The following FBXO43 variants were observed in gnomAD, a reference collection of about 807,000 sequenced individuals.
FBXO43 encodes the protein F-box protein 43.
In FBXO43, 22 loss-of-function variants were observed where a neutral mutation model predicts 56.7. That is an observed-to-expected ratio of 0.39 (90% CI 0.28 to 0.55). The LOEUF is 0.55. Among genes scored for constraint, FBXO43 ranks in the 20% least tolerant of loss-of-function variants. The probability of loss-of-function intolerance (pLI) is 0.66; values close to 1 mark genes in which losing one functional copy is unlikely to be tolerated. For missense variants in FBXO43, 733 were observed against 814.9 expected (o/e 0.90, Z 1.22); for synonymous variants, 306 against 294.5 (o/e 1.04, Z -0.40).
chr8:100,142,900 T>C (rs1814702476), intron 1 of FBXO43, among the ~76,000 whole-genome samples: 1 of 152,268 alleles, frequency 6.6e-6, no homozygotes, highest in African/African-American at 2.4e-5. Flanking sequence ...TATTTTGTGA[T>C]GCAAGGTCCA....
upstream of FBXO43, among the ~76,000 whole-genome samples, chr8:100,149,755 G>A (rs1231797632): frequency 1.3e-5 from 2 of 152,144 alleles, no homozygotes; most frequent in Non-Finnish European, 2.9e-5. Context: ...ATCAGACATA[G>A]TGCGTGTTGG....
intron 3 of FBXO43, among the ~76,000 whole-genome samples, chr8:100,135,565 G>A (rs1814444466): frequency 6.6e-6 from 1 of 151,874 alleles, no homozygotes; most frequent in Admixed American, 6.6e-5. Context: ...AGTTCTTTAA[G>A]AAACTGAGTT....
chr8:100,135,805 C>G (rs1814451687), intron 3 of FBXO43, among the ~76,000 whole-genome samples: 1 of 152,054 alleles, frequency 6.6e-6, no homozygotes, highest in African/African-American at 2.4e-5. Flanking sequence ...GGGGTTCCAC[C>G]ATGTTGGTCA....
At chr8:100,135,411 T>G (rs2446918) in intron 3 of FBXO43, among the ~76,000 whole-genome samples, 2 of 151,888 alleles carry the variant, frequency 1.3e-5, no homozygotes, top group Non-Finnish European at 2.9e-5. Context: ...TCTTGATGGA[T>G]CAAGAATCAA....
In FBXO43 at chr8:100,133,974, T is replaced by C; in HGVS notation, c.1955A>G (p.Tyr652Cys). The stretch of plus-strand genomic sequence containing the variant: ...TCGGCTACACAGTCCCCTTTTCTTA[T>C]ATGGCTGGTACTTAGCAGGGGACTG... ...RCQSPAKYQP[Y>C]KKRGLCSRTA... is the part of the protein sequence containing the mutation. The change falls in exon 5 of 5, where the codon TAT (tyrosine) becomes TGT (cysteine). Residue 652 changes from tyrosine to cysteine, a missense_variant. By Grantham distance (194) the Tyr-to-Cys change is radical (BLOSUM62 -2). Transcript: ENST00000428847. 2.5e-6 allele frequency: 4 copies of C among 1,614,174 alleles called. No homozygotes were observed. The highest frequency in any genetic ancestry group is 3.4e-6 in the Non-Finnish European group (4 of 1,180,032).
chr8:100,145,803 T>C lies in FBXO43; in HGVS notation c.-668A>G, dbSNP rs1814816735. On this transcript the variant is annotated 5_prime_UTR_variant, in exon 1 of 5. Coordinates refer to ENST00000428847, the MANE Select transcript of FBXO43 (RefSeq NM_001029860.4). ...CAGCTTCGCGTGGGGCCGCTGCCTTTACCTCCTTAGGTTTGAACGGCCCGC... is the reference window on the plus strand; with the variant it reads ...CAGCTTCGCGTGGGGCCGCTGCCTTCACCTCCTTAGGTTTGAACGGCCCGC... 6.6e-6 allele frequency: 1 copy of C among 152,382 alleles called. No homozygotes were observed. Among genetic ancestry groups the C allele is most frequent in the African/African-American group, 2.4e-5 (1 of 41,454 alleles). The allele number at this position is 152,382 out of a possible 1,614,324, so 9.4% of individuals were successfully genotyped here.
Position 100,140,744 on chromosome 8 carries a change from T to C in FBXO43, c.1510A>G (p.Arg504Gly). Residue 504 changes from arginine to glycine, a missense_variant, in exon 2 of 5, where the codon AGA becomes GGA. Physicochemically the swap from Arg to Gly is moderately radical, Grantham distance 125 (BLOSUM62 -2). Transcript: ENST00000428847. ...KLDILTELKYRNLKHILAMVL... is the reference protein window; with the variant it reads ...KLDILTELKYGNLKHILAMVL... ...ATAGCAAGAATATGCTTTAAATTTC[T>C]ATATTTTAATTCTGTTAAGATGTCC... The C allele has an allele frequency of 6.2e-7, 1 of 1,613,406 alleles. No individual in the cohort carries two copies. Among genetic ancestry groups the C allele is most frequent in the Non-Finnish European group, 8.5e-7 (1 of 1,179,662 alleles).
At position 100,134,198 on chromosome 8, in the gene FBXO43, A is replaced by G. The variant is rs1814396240; in HGVS notation, c.1841T>C (p.Val614Ala). Residue 614 changes from valine (V) to alanine (A), a missense_variant, in exon 4 of 5, where the codon GTT becomes GCT. Physicochemically the swap from Val to Ala is moderately conservative, Grantham distance 64. Transcript: ENST00000428847. ...TTCCTGTTTACTACTTAAGTGAGTAACAGAAGAGCTTGCTAGAGGTGTCAA... is the reference window on the plus strand; with the variant it reads ...TTCCTGTTTACTACTTAAGTGAGTAGCAGAAGAGCTTGCTAGAGGTGTCAA... Reference protein sequence around the residue: ...EVLTPLASSSVTHLSSKQEEY... With the variant: ...EVLTPLASSSATHLSSKQEEY... 1 of 1,614,190 alleles carries G rather than the reference A, an allele frequency of 6.2e-7. No individual in the cohort carries two copies. Among genetic ancestry groups the G allele is most frequent in the Non-Finnish European group, 8.5e-7 (1 of 1,180,036 alleles).
chr8:100,138,823 AGCCT>A (rs1239211214), intron 2 of FBXO43, among the ~76,000 whole-genome samples: 1 of 152,156 alleles, frequency 6.6e-6, no homozygotes, highest in Non-Finnish European at 1.5e-5. Context: ...GGATTGCTAG[AGCCT>A]AGGAGTTTGA....
chr8:100,137,732 G>T, intron 2 of FBXO43, 65 bp from the exon 3 acceptor site: 1 of 1,150,764 alleles, frequency 8.7e-7, no homozygotes, highest in African/African-American at 1.6e-5. Context: ...TGTTGTATAC[G>T]CTAACTAATG....
At chr8:100,139,390 G>T (rs947583923) in intron 2 of FBXO43, among the ~76,000 whole-genome samples, 1 of 152,000 alleles carries the variant, frequency 6.6e-6, no homozygotes, top group South Asian at 2.1e-4. Context: ...CCCAGGAGTT[G>T]CAGACCAGCC....
chr8:100,135,605 A>T (rs1403389961), intron 3 of FBXO43, among the ~76,000 whole-genome samples: 1 of 151,832 alleles, frequency 6.6e-6, no homozygotes, highest in Non-Finnish European at 1.5e-5. Context: ...GAATATAAGG[A>T]TATAATTTTT....
chr8:100,144,686 C>CT (rs1324500955), intron 1 of FBXO43, among the ~76,000 whole-genome samples: 1 of 150,498 alleles, frequency 6.6e-6, no homozygotes, highest in Admixed American at 6.6e-5. Context: ...AATCCCAGCA[C>CT]TTTGGGAGGC....
At chr8:100,134,564 TATAAAA>T (rs1297281332) in intron 3 of FBXO43, among the ~76,000 whole-genome samples, 200 bp from the exon 4 acceptor site, 1 of 152,000 alleles carries the variant, frequency 6.6e-6, no homozygotes, top group East Asian at 1.9e-4. Context: ...GTTAAATAAA[TATAAAA>T]AGAAAAAAAT....
At chr8:100,150,096 T>C (rs1391092433), upstream of FBXO43, among the ~76,000 whole-genome samples, 1 of 152,162 alleles carries the variant, frequency 6.6e-6, no homozygotes, top group Admixed American at 6.5e-5. Context: ...ACACTAACCT[T>C]TGCTTTAAAA....
Position 100,141,617 on chromosome 8 carries a change from T to C in FBXO43, c.637A>G (p.Thr213Ala), listed in dbSNP as rs755606959. The C allele has an allele frequency of 3.1e-6, 5 of 1,612,922 alleles. No homozygotes were observed. Among genetic ancestry groups the C allele is most frequent in the Non-Finnish European group, 4.2e-6 (5 of 1,179,866 alleles). ...FSPLVTSTLK[T>A]EEVTSCSQKL... ...TGACTGCATGAAGTCACTTCTTCTG[T>C]TTTTAAAGTGCTAGTAACTAAAGGG... is the stretch of plus-strand genomic sequence containing the variant. Residue 213 changes from threonine (T) to alanine (A), a missense_variant, in exon 2 of 5, where the codon ACA becomes GCA. Physicochemically the swap from Thr to Ala is moderately conservative, Grantham distance 58. Coordinates refer to ENST00000428847, the MANE Select transcript of FBXO43 (RefSeq NM_001029860.4).
intron 3 of FBXO43, 148 bp downstream of exon 3, chr8:100,137,417 A>G (rs1814505372): frequency 1.7e-6 from 1 of 581,090 alleles, no homozygotes; most frequent in Non-Finnish European, 3.0e-6. Flanking sequence ...GTGAAAATTG[A>G]GTTTGGGAAA....
In FBXO43 at chr8:100,140,783, C is replaced by T. The variant is rs746938307; in HGVS notation, c.1471G>A (p.Gly491Ser). 3 of 1,613,900 alleles carry T rather than the reference C, an allele frequency of 1.9e-6. No individual in the cohort carries two copies. The highest frequency in any genetic ancestry group is 1.7e-5 in the Admixed American group (1 of 59,976). The change falls in exon 2 of 5, where the codon GGT (glycine) becomes AGT (serine). Residue 491 changes from glycine (G) to serine (S), a missense_variant. Gly to Ser is a moderately conservative substitution (Grantham distance 56). Transcript: ENST00000428847. ...ILAGLIGKKMGIEKLDILTEL... is the reference protein window; with the variant it reads ...ILAGLIGKKMSIEKLDILTEL... ...GTTAAGATGTCCAGTTTTTCTATAC[C>T]CATTTTCTTGCCGATCAGTCCTGCA...
At chr8:100,137,393 C>T (rs963076539) in intron 3 of FBXO43, 172 bp downstream of exon 3, 16 of 541,872 alleles carry the variant, frequency 3.0e-5, no homozygotes, top group Admixed American at 3.5e-5. Flanking sequence ...TTGTTTATTC[C>T]ATTTACAGAC....
Sources: allele counts gnomAD v4.1 joint callset (sites outside exome capture counted in the v4.1 genomes callset), GRCh38; gene constraint gnomAD v4.1.1; transcripts MANE v1.5; gene names NCBI Gene and HGNC (gene_info 2026-07-23, HGNC 2026-07-21).